The following ABITRAM variants were observed in gnomAD, a reference collection of about 807,000 sequenced individuals.
The protein encoded by ABITRAM is actin binding transcription modulator, also known as protein Abitram.
Under a neutral mutation model 22.9 loss-of-function variants are expected in ABITRAM, and 19 were observed. The ratio of observed to expected loss-of-function variants is 0.83; its 90% CI spans 0.58 to 1.22. The LOEUF is 1.22. Among genes scored for constraint, ABITRAM ranks in the 50% most tolerant of loss-of-function variants. The pLI is 0.00. For missense variants in ABITRAM, 215 were observed against 220.2 expected (o/e 0.98, Z 0.15); for synonymous variants, 70 against 73.9 (o/e 0.95, Z 0.27).
At chr9:108,944,739 G>A (rs905257553), downstream of ABITRAM, among the ~76,000 whole-genome samples, 1 of 152,062 alleles carries the variant, frequency 6.6e-6, no homozygotes, top group Admixed American at 6.6e-5. Flanking sequence ...GGAGAGAACA[G>A]GGAAAATCTG....
At position 108,935,705 on chromosome 9, in the gene ABITRAM, A is replaced by C; in HGVS notation, c.131+16A>C. 6.2e-7 allele frequency: 1 copy of C among 1,607,346 alleles called. No individual in the cohort carries two copies. Among genetic ancestry groups the C allele is most frequent in the Non-Finnish European group, 8.5e-7 (1 of 1,174,650 alleles). ...ACTCTAACCGGTAAGCAAATTGGGA[A>C]TTTTAAATTATCAAAAATTTTTTTT... On this transcript the variant is annotated intron_variant, in intron 2 of 5. Coordinates refer to ENST00000322940, the MANE Select transcript of ABITRAM (RefSeq NM_017832.4).
intron 3 of ABITRAM, among the ~76,000 whole-genome samples, chr9:108,937,837 A>AAT (rs1830207845): frequency 6.6e-6 from 1 of 150,556 alleles, no homozygotes; most frequent in Non-Finnish European, 1.5e-5. Context: ...AAAAAAAAAA[A>AAT]TTTTTTTTTA....
At chr9:108,938,073 C>T (rs1332823975) in intron 3 of ABITRAM, among the ~76,000 whole-genome samples, 3 of 151,464 alleles carry the variant, frequency 2.0e-5, no homozygotes, top group East Asian at 1.9e-4. Context: ...GAACCCACTA[C>T]AGTAAGTTTT....
rs942469714 is a variant in ABITRAM, at chr9:108,939,831, C to A, written c.*145C>A. 36 of 912,440 alleles carry A rather than the reference C, an allele frequency of 3.9e-5. No individual in the cohort carries two copies. The highest frequency in any genetic ancestry group is 5.7e-5 in the Non-Finnish European group (35 of 616,582). 56.5% of individuals were successfully genotyped at this position (912,440 alleles called of 1,614,324 possible). On this transcript the variant is annotated 3_prime_UTR_variant, in exon 6 of 6. Transcript: ENST00000322940. ...GAGGCCTAGTGCTTCACTTAGTTTT[C>A]CCTCTCTGTCTTCATAATGAGCCTT...
In ABITRAM at chr9:108,934,406, C is replaced by G; in HGVS notation, c.-81C>G. ...CGTGCGCACGACACGCGCTGTGCGC[C>G]GGAAGAGCACGCCCAGTCCGGGCTG... On this transcript the variant is annotated 5_prime_UTR_variant, in exon 1 of 6. Transcript: ENST00000322940. 8.0e-7 allele frequency: 1 copy of G among 1,249,800 alleles called. No individual in the cohort carries two copies. The highest frequency in any genetic ancestry group is 1.5e-5 in the South Asian group (1 of 66,404). 77.4% of individuals were successfully genotyped at this position (1,249,800 alleles called of 1,614,324 possible). A position where few individuals can be genotyped will look rare whatever the true frequency, so the allele number is the denominator to read the frequency against.
At chr9:108,939,516 G>A (rs368200414) in intron 5 of ABITRAM, 33 bp from the exon 6 acceptor site, 140 of 1,602,156 alleles carry the variant, frequency 8.7e-5, no homozygotes, top group Non-Finnish European at 1.1e-4. Flanking sequence ...TTTTTTCATC[G>A]TTTGACAGTA....
intron 3 of ABITRAM, 100 bp from the exon 4 acceptor site, chr9:108,939,096 C>A: frequency 1.1e-6 from 1 of 915,266 alleles, no homozygotes; most frequent in Non-Finnish European, 1.7e-6. Flanking sequence ...ATTTAAAACA[C>A]CAGTTCCAGG....
At chr9:108,941,497 T>C (rs769904945), downstream of ABITRAM, among the ~76,000 whole-genome samples, 1 of 152,212 alleles carries the variant, frequency 6.6e-6, no homozygotes, top group Non-Finnish European at 1.5e-5. Context: ...TCATGCTTAA[T>C]GATTTTGACT....
downstream of ABITRAM, chr9:108,943,910 G>A: frequency 6.2e-7 from 1 of 1,600,724 alleles, no homozygotes; most frequent in Non-Finnish European, 8.5e-7. Context: ...TACCCCCAAA[G>A]TAGGTTATAC....
downstream of ABITRAM, chr9:108,942,520 C>G: frequency 2.0e-6 from 1 of 494,030 alleles, no homozygotes; most frequent in Non-Finnish European, 3.5e-6. Context: ...TTTGGTTTGA[C>G]TTTTAAAGAA....
At chr9:108,942,950 A>C (rs139523471), downstream of ABITRAM, 6 of 1,611,154 alleles carry the variant, frequency 3.7e-6, no homozygotes, top group African/African-American at 6.7e-5. Context: ...AAAATAGAAA[A>C]ACTACCTCAC....
At position 108,934,428 on chromosome 9, in the gene ABITRAM, G is replaced by T. The variant is rs571574623; in HGVS notation, c.-59G>T. The T allele has an allele frequency of 6.8e-7, 1 of 1,479,692 alleles. No homozygotes were observed. The highest frequency in any genetic ancestry group is 1.4e-5 in the African/African-American group (1 of 69,452). The allele number at this position is 1,479,692 out of a possible 1,614,324, so 91.7% of individuals were successfully genotyped here. ...CGCCGGAAGAGCACGCCCAGTCCGG[G>T]CTGCGCGGAGGAAGCGCTGGGGTCC... On this transcript the variant is annotated 5_prime_UTR_variant, in exon 1 of 6. Coordinates refer to ENST00000322940, the MANE Select transcript of ABITRAM (RefSeq NM_017832.4).
At chr9:108,942,327 A>G (rs946745524), downstream of ABITRAM, among the ~76,000 whole-genome samples, 3 of 152,238 alleles carry the variant, frequency 2.0e-5, no homozygotes, top group African/African-American at 4.8e-5. Context: ...CTTGGTAAAC[A>G]GAGGGATTGA....
At chr9:108,949,071 T>A (rs1830483716) in intron 3 of ABITRAM, among the ~76,000 whole-genome samples, 1 of 152,174 alleles carries the variant, frequency 6.6e-6, no homozygotes, top group Non-Finnish European at 1.5e-5. Context: ...TTAAGAAATA[T>A]GAATGATTAC....
intron 3 of ABITRAM, chr9:108,948,228 CT>C (rs1564120360): frequency 6.2e-7 from 1 of 1,611,324 alleles, no homozygotes; most frequent in Admixed American, 1.7e-5. Flanking sequence ...TCAGTGGCCC[CT>C]CTCCTCTAAA....
chr9:108,945,464 T>C (rs1391538319), downstream of ABITRAM, among the ~76,000 whole-genome samples: 3 of 137,840 alleles, frequency 2.2e-5, no homozygotes, highest in Non-Finnish European at 3.1e-5. Flanking sequence ...GTTTTCTTCC[T>C]TTTTTTTTTT....
Position 108,939,657 on chromosome 9 carries a change from C to T in ABITRAM, c.517C>T (p.Arg173Cys), listed in dbSNP as rs753963289. 2.5e-5 allele frequency: 41 copies of T among 1,613,860 alleles called. No individual in the cohort carries two copies. Among genetic ancestry groups the T allele is most frequent in the South Asian group, 1.2e-4 (11 of 91,034 alleles). ...QKQYEEVMVK[R>C]INATTATS Reference sequence around the variant, plus strand: ...ACAATATGAAGAAGTCATGGTGAAACGCATTAATGCCACAACAGCTACGTC... The same window carrying T: ...ACAATATGAAGAAGTCATGGTGAAATGCATTAATGCCACAACAGCTACGTC... Residue 173 changes from arginine to cysteine, a missense_variant, in exon 6 of 6, where the codon CGC becomes TGC. By Grantham distance (180) the Arg-to-Cys change is radical (BLOSUM62 -3). Coordinates refer to ENST00000322940, the MANE Select transcript of ABITRAM (RefSeq NM_017832.4).
downstream of ABITRAM, among the ~76,000 whole-genome samples, chr9:108,945,137 C>G (rs2583074): frequency 0.93 from 141,752 of 152,228 alleles, 66,094 homozygotes; most frequent in East Asian, 1. Flanking sequence ...CCAGGTCTCT[C>G]TCTCCACTCC....
At chr9:108,935,768 G>A (rs1313582389) in intron 2 of ABITRAM, 79 bp downstream of exon 2, 1 of 888,678 alleles carries the variant, frequency 1.1e-6, no homozygotes, top group East Asian at 2.5e-5. Context: ...TGTGGTCTTG[G>A]ATTGAACAAA....
Sources: allele counts gnomAD v4.1 joint callset (sites outside exome capture counted in the v4.1 genomes callset), GRCh38; gene constraint gnomAD v4.1.1; transcripts MANE v1.5; gene names NCBI Gene and HGNC (gene_info 2026-07-23, HGNC 2026-07-21).